Variants in PARL observed in about 807,000 individuals in gnomAD.
The protein encoded by PARL is presenilin-associated rhomboid-like protein, mitochondrial.
PARL carries 44 observed loss-of-function variants against 51.6 expected under a neutral mutation model. That is an observed-to-expected ratio of 0.85 (90% confidence interval 0.67 to 1.10). The LOEUF (loss-of-function observed/expected upper bound fraction) is 1.10, where lower values mean the gene tolerates loss of function less well. PARL is among the 50% of genes least tolerant of loss of function. The probability of loss-of-function intolerance (pLI) is 0.00; values close to 1 mark genes in which losing one functional copy is unlikely to be tolerated. For synonymous variants in PARL, 172 were observed against 164.0 expected, an observed-to-expected ratio of 1.05 and a Z score of -0.37; for missense variants, 441 against 469.5, an observed-to-expected ratio of 0.94 and a Z score of 0.56.
chr3:183,870,443 G>T (rs1363660845), intron 1 of PARL, among the ~76,000 whole-genome samples: 1 of 151,686 alleles, frequency 6.6e-6, no homozygotes, highest in Non-Finnish European at 1.5e-5. Flanking sequence ...TTAACCTGTT[G>T]CATGTTCTTC....
chr3:183,864,669 C>A (rs904802880), intron 3 of PARL, among the ~76,000 whole-genome samples: 3 of 151,472 alleles, frequency 2.0e-5, no homozygotes, highest in Admixed American at 1.3e-4. Flanking sequence ...CCAGCTACTC[C>A]GGAGGCTGAG....
At chr3:183,876,610 T>TAAAAAAAAAAAAAAAAAAAAAAAAAAA (rs576376716) in intron 1 of PARL, among the ~76,000 whole-genome samples, 16 of 91,824 alleles carry the variant, frequency 1.7e-4, no homozygotes, top group Non-Finnish European at 2.2e-4. Context: ...ATACATTTTG[T>TAAAAAAAAAAAAAAAAAAAAAAAAAAA]AAAAAAAAAA....
chr3:183,881,310 C>T (rs1037191860), intron 1 of PARL, among the ~76,000 whole-genome samples: 20 of 149,942 alleles, frequency 1.3e-4, no homozygotes, highest in Middle Eastern at 3.6e-3. Context: ...TTAGTAGAGA[C>T]GGGTTTTCAC....
chr3:183,861,995 G>A (rs1469223345), intron 4 of PARL, among the ~76,000 whole-genome samples: 1 of 152,014 alleles, frequency 6.6e-6, no homozygotes, highest in Non-Finnish European at 1.5e-5. Flanking sequence ...AGCTGGCCTC[G>A]AACTCCTGAG....
At chr3:183,883,461 G>T in intron 1 of PARL, 1 of 245,784 alleles carries the variant, frequency 4.1e-6, no homozygotes, top group Non-Finnish European at 6.5e-6. Flanking sequence ...GTAGAGACGG[G>T]GTTTTGCAAT....
chr3:183,878,405 A>G (rs1734086379), intron 1 of PARL, among the ~76,000 whole-genome samples: 1 of 152,222 alleles, frequency 6.6e-6, no homozygotes, highest in African/African-American at 2.4e-5. Context: ...TTGGATAAGA[A>G]CTACAAAATA....
At chr3:183,859,909 G>A (rs2108657980) in intron 4 of PARL, among the ~76,000 whole-genome samples, 1 of 152,278 alleles carries the variant, frequency 6.6e-6, no homozygotes, top group South Asian at 2.1e-4. Context: ...AGTGTTTGGT[G>A]TAGCAGTGAG....
chr3:183,846,312 G>A (rs1447053309), intron 4 of PARL, among the ~76,000 whole-genome samples: 3 of 152,220 alleles, frequency 2.0e-5, no homozygotes, highest in Non-Finnish European at 2.9e-5. Context: ...TGACCAACAT[G>A]AAGAAACCTC....
downstream of PARL, among the ~76,000 whole-genome samples, chr3:183,827,908 C>T (rs979348772): frequency 7.9e-5 from 12 of 152,138 alleles, no homozygotes; most frequent in African/African-American, 1.7e-4. Flanking sequence ...ATGAGGGAGA[C>T]GGCAGCCACG....
At chr3:183,850,993 C>T (rs192814537) in intron 4 of PARL, among the ~76,000 whole-genome samples, 1 of 152,158 alleles carries the variant, frequency 6.6e-6, no homozygotes, top group Non-Finnish European at 1.5e-5. Flanking sequence ...AGAAATACAC[C>T]CATACGATTA....
rs1003376222 is a variant in PARL at position 183,842,520 on chromosome 3, T to A, written c.608-73A>T. 4.1e-6 allele frequency: 6 copies of A among 1,463,280 alleles called. No individual in the cohort carries two copies. In the African/African-American group the frequency reaches 5.6e-5, roughly 14 times the overall value. 90.6% of individuals were successfully genotyped at this position (1,463,280 alleles called of 1,614,324 possible). Reference sequence around the variant, plus strand: ...ATAAAAATTATCCATTTTAAACTTTTAAAATTAGGCCGGACGCAGTGGCTC... The same window carrying A: ...ATAAAAATTATCCATTTTAAACTTTAAAAATTAGGCCGGACGCAGTGGCTC... On this transcript the variant is annotated intron_variant, in intron 5 of 9. Coordinates refer to ENST00000317096, the MANE Select transcript of PARL (RefSeq NM_018622.7).
At chr3:183,863,726 G>A (rs537559949) in intron 3 of PARL, among the ~76,000 whole-genome samples, 185 of 152,066 alleles carry the variant, frequency 1.2e-3, no homozygotes, top group Non-Finnish European at 2.2e-3. Context: ...GATATGAGCC[G>A]CCCCGGCCGA....
intron 4 of PARL, among the ~76,000 whole-genome samples, chr3:183,852,029 G>A (rs1193139170): frequency 7.2e-5 from 11 of 152,012 alleles, no homozygotes; most frequent in South Asian, 2.1e-4. Context: ...GTGTGGTGGC[G>A]CGTGCCTATG....
chr3:183,841,240 G>A (rs1729278531), intron 6 of PARL, among the ~76,000 whole-genome samples: 2 of 152,178 alleles, frequency 1.3e-5, no homozygotes, highest in South Asian at 2.1e-4. Flanking sequence ...CTCCTATGGA[G>A]CAGGAATTAA....
At position 183,860,846 on chromosome 3, in the gene PARL, C is replaced by T. The variant is rs370747428; in HGVS notation, c.511+1907G>A. ...TTTTTTTTTTTTTGAGACAGAGTCT[C>T]GCTCTGTCGTCCAGGCTGGAGTGCA... On this transcript the variant is annotated intron_variant, in intron 4 of 9. Coordinates refer to ENST00000317096, the MANE Select transcript of PARL (RefSeq NM_018622.7). Among the ~76,000 whole-genome samples, 394 of 139,024 alleles carry T rather than the reference C, an allele frequency of 2.8e-3. 5 individuals carry two copies. The highest frequency in any genetic ancestry group is 0.01 in the African/African-American group (374 of 36,768). 91.2% of individuals were successfully genotyped at this position (139,024 alleles called of 152,430 possible). A position where few individuals can be genotyped will look rare whatever the true frequency, so the allele number is the denominator to read the frequency against.
At chr3:183,869,583 A>G (rs968356936) in intron 1 of PARL, among the ~76,000 whole-genome samples, 6 of 151,954 alleles carry the variant, frequency 3.9e-5, no homozygotes, top group Non-Finnish European at 8.8e-5. Context: ...TCTAGAAGGG[A>G]TAGTATGTTC....
chr3:183,849,081 C>A (rs115169832), intron 4 of PARL, among the ~76,000 whole-genome samples: 1 of 152,198 alleles, frequency 6.6e-6, no homozygotes, highest in African/African-American at 2.4e-5. Context: ...GAATAAATAA[C>A]AATAATAGCT....
intron 1 of PARL, chr3:183,879,682 C>T: frequency 2.4e-5 from 16 of 678,844 alleles, no homozygotes; most frequent in Non-Finnish European, 2.5e-5. Flanking sequence ...ATATAAGGTA[C>T]ATTTTCTCTT....
At chr3:183,829,765 G>A in intron 9 of PARL, 56 bp from the exon 10 acceptor site, 1 of 1,372,576 alleles carries the variant, frequency 7.3e-7, no homozygotes, top group Non-Finnish European at 1.0e-6. Flanking sequence ...CAAATGGTAA[G>A]TAGCATGGTG....
Sources: allele counts gnomAD v4.1 joint callset (sites outside exome capture counted in the v4.1 genomes callset), GRCh38; gene constraint gnomAD v4.1.1; transcripts MANE v1.5; gene names NCBI Gene and HGNC (gene_info 2026-07-23, HGNC 2026-07-21).